The following MAPK10 variants were observed in gnomAD, a reference collection of about 807,000 sequenced individuals.
The protein encoded by MAPK10 is JNK3 alpha protein kinase.
Under a neutral mutation model 59.3 loss-of-function variants are expected in MAPK10, and 25 were observed. The ratio of observed to expected loss-of-function variants is 0.42; its 90% CI spans 0.31 to 0.59. The LOEUF is 0.59. Among genes scored for constraint, MAPK10 ranks in the 20% least tolerant of loss-of-function variants. The pLI, the probability that MAPK10 is intolerant of heterozygous loss-of-function variation, is 0.15. For synonymous variants in MAPK10, 190 were observed against 200.5 expected (o/e 0.95, Z 0.44); for missense variants, 351 against 568.9 (o/e 0.62, Z 3.90).
At chr4:86,167,907 G>A (rs1293724256) in intron 3 of MAPK10, among the ~76,000 whole-genome samples, 3 of 152,170 alleles carry the variant, frequency 2.0e-5, no homozygotes, top group Non-Finnish European at 2.9e-5. Context: ...GAAATAAAGG[G>A]TATTCAAATA....
At chr4:86,089,110 C>T (rs774911539) in intron 9 of MAPK10, 6 of 898,206 alleles carry the variant, frequency 6.7e-6, no homozygotes, top group Non-Finnish European at 1.0e-5. Context: ...TCTCTAAGGA[C>T]AGTGAACAAA....
Position 86,107,313 on chromosome 4 carries a change from A to G in MAPK10, c.276T>C (p.Ile92=). 6.2e-7 allele frequency: 1 copy of G among 1,613,234 alleles called. No individual in the cohort carries two copies. The highest frequency in any genetic ancestry group is 8.5e-7 in the Non-Finnish European group (1 of 1,179,438). The change falls in exon 5 of 14, where the codon ATT becomes ATC. Residue 92 remains isoleucine (I), a synonymous_variant. Transcript: ENST00000641462. ...YDAVLDRNVA[I]KKLSRPFQNQ... is the part of the protein sequence containing the mutation. The stretch of plus-strand genomic sequence containing the variant: ...TCTGAAAGGGTCTGCTGAGCTTCTT[A>G]ATGGCCACATTTCTGTCAAGGACAG...
intron 1 of MAPK10, among the ~76,000 whole-genome samples, chr4:86,479,168 G>GT (rs1753369228): frequency 5.3e-5 from 8 of 152,034 alleles, no homozygotes; most frequent in Admixed American, 5.2e-4. Flanking sequence ...GAATTCCTCG[G>GT]TTTGGCCTTC....
intron 4 of MAPK10, chr4:86,124,072 T>C (rs2059689805): frequency 6.6e-6 from 1 of 151,986 alleles, no homozygotes; most frequent in Non-Finnish European, 1.5e-5. Context: ...ACAATTTTAG[T>C]TGAAAATGTT....
At chr4:86,186,711 T>C (rs996543987) in intron 3 of MAPK10, among the ~76,000 whole-genome samples, 4 of 152,082 alleles carry the variant, frequency 2.6e-5, no homozygotes, top group African/African-American at 7.2e-5. Context: ...TAAGGTAACA[T>C]ACAATTTTTT....
intron 3 of MAPK10, among the ~76,000 whole-genome samples, chr4:86,164,736 T>C (rs536426919): frequency 7.7e-4 from 117 of 152,206 alleles, no homozygotes; most frequent in Non-Finnish European, 1.4e-3. Flanking sequence ...ATGTTAAACA[T>C]GTTAAAGTGA....
At chr4:86,271,899 A>G (rs1371105737) in intron 2 of MAPK10, among the ~76,000 whole-genome samples, 1 of 151,974 alleles carries the variant, frequency 6.6e-6, no homozygotes, top group Non-Finnish European at 1.5e-5. Context: ...GGATTATGAG[A>G]ACTACAATTT....
intron 2 of MAPK10, among the ~76,000 whole-genome samples, chr4:86,203,571 C>T (rs1010777043): frequency 2.0e-5 from 3 of 151,174 alleles, no homozygotes; most frequent in East Asian, 2.0e-4. Context: ...TAAGTTCAAT[C>T]GGTATACGAT....
chr4:86,115,475 T>G lies in MAPK10; in HGVS notation c.237-8123A>C, dbSNP rs148165874. On this transcript the variant is annotated intron_variant, in intron 4 of 13. Transcript: ENST00000641462. ...GAGCTGCTGACTGGAACTGCTTCTA[T>G]TTTTTTGGACAGTTTTGCTCTTGTT... 2.2e-3 allele frequency among the ~76,000 whole-genome samples: 326 copies of G among 151,110 alleles called. 3 individuals are homozygous for G. Among genetic ancestry groups the G allele is most frequent in the African/African-American group, 7.5e-3 (302 of 40,446 alleles).
intron 9 of MAPK10, chr4:86,090,701 T>A (rs907033377): frequency 9.2e-5 from 14 of 152,186 alleles, no homozygotes; most frequent in African/African-American, 2.9e-4. Flanking sequence ...TATCATACTG[T>A]CCAAAGAGAC....
At chr4:86,141,707 T>A (rs1232893584) in intron 4 of MAPK10, among the ~76,000 whole-genome samples, 1 of 152,188 alleles carries the variant, frequency 6.6e-6, no homozygotes, top group Non-Finnish European at 1.5e-5. Context: ...ATGTATAGGC[T>A]AAATCTAAAA....
chr4:86,338,310 A>G (rs1048576779), intron 2 of MAPK10, among the ~76,000 whole-genome samples: 1 of 152,208 alleles, frequency 6.6e-6, no homozygotes, highest in Admixed American at 6.5e-5. Context: ...TGAATTCCTG[A>G]AACCCTCATA....
rs1741545732 is a variant in MAPK10 at position 86,012,257 on chromosome 4, T to C, written c.*4971A>G. On this transcript the variant is annotated 3_prime_UTR_variant, in exon 14 of 14. Transcript: ENST00000641462. ...AAACACAGATTTCTACATGGTCACA[T>C]TCATATCACACACTCTTGACCCAAG... 1 of 152,218 alleles carries C rather than the reference T, an allele frequency of 6.6e-6. No homozygotes were observed. Among genetic ancestry groups the C allele is most frequent in the African/African-American group, 2.4e-5 (1 of 41,454 alleles). 9.4% of individuals were successfully genotyped at this position (152,218 alleles called of 1,614,324 possible).
chr4:86,166,054 T>C (rs2071598733), intron 3 of MAPK10, among the ~76,000 whole-genome samples: 1 of 152,198 alleles, frequency 6.6e-6, no homozygotes, highest in Non-Finnish European at 1.5e-5. Context: ...AGGTATGGCT[T>C]CTGCCTGCCT....
rs1032493582 is a variant in MAPK10 at position 86,243,299 on chromosome 4, G to A, written c.-6-48892C>T. Among the ~76,000 whole-genome samples, 7 of 152,290 alleles carry A rather than the reference G, an allele frequency of 4.6e-5. No homozygotes were observed. In the East Asian group the frequency reaches 1.4e-3, roughly 29 times the overall value. On this transcript the variant is annotated intron_variant, in intron 2 of 13. Transcript: ENST00000641462. ...GATGTTGAGTTTGAGGTGCCTAGAAGCCTTAATTGTGGAGATACTTAGTCA... is the reference window on the plus strand; with the variant it reads ...GATGTTGAGTTTGAGGTGCCTAGAAACCTTAATTGTGGAGATACTTAGTCA...
At chr4:86,036,086 G>T (rs984210072) in intron 11 of MAPK10, among the ~76,000 whole-genome samples, 1 of 152,168 alleles carries the variant, frequency 6.6e-6, no homozygotes, top group Non-Finnish European at 1.5e-5. Flanking sequence ...TGTTATAGAA[G>T]TCAAGCAAGT....
At chr4:86,270,843 T>G (rs1027869760) in intron 2 of MAPK10, among the ~76,000 whole-genome samples, 2 of 152,126 alleles carry the variant, frequency 1.3e-5, no homozygotes, top group Admixed American at 6.6e-5. Context: ...ATGTTGCAGA[T>G]CGCATTAATA....
intron 13 of MAPK10, among the ~76,000 whole-genome samples, chr4:86,018,020 G>A (rs1036530666): frequency 3.9e-5 from 6 of 152,094 alleles, no homozygotes; most frequent in Non-Finnish European, 5.9e-5. Context: ...CACGCCCCGC[G>A]GGCATTTGCA....
At chr4:86,593,788 T>G (rs1763302956) in intron 1 of MAPK10, 1 of 152,192 alleles carries the variant, frequency 6.6e-6, no homozygotes. Flanking sequence ...TGCAAGGAGC[T>G]GGCAAAGCCA....
Sources: allele counts gnomAD v4.1 joint callset (sites outside exome capture counted in the v4.1 genomes callset), GRCh38; gene constraint gnomAD v4.1.1; transcripts MANE v1.5; gene names NCBI Gene and HGNC (gene_info 2026-07-23, HGNC 2026-07-21).